ZNF385B: variants seen among roughly 807,000 people sequenced by gnomAD.
ZNF385B encodes the protein zinc finger protein 533.
ZNF385B carries 23 observed loss-of-function variants against 39.2 expected under a neutral mutation model. That is an observed-to-expected ratio of 0.59 (90% CI 0.42 to 0.83). ZNF385B has a LOEUF of 0.83. ZNF385B is among the 40% of genes least tolerant of loss of function. The pLI, the probability that ZNF385B is intolerant of heterozygous loss-of-function variation, is 0.00. For missense variants in ZNF385B, 552 were observed against 598.9 expected (o/e 0.92, Z 0.82); for synonymous variants, 205 against 222.6 (o/e 0.92, Z 0.70).
At chr2:179,458,032 T>C (rs2050892186) in intron 6 of ZNF385B, among the ~76,000 whole-genome samples, 1 of 152,196 alleles carries the variant, frequency 6.6e-6, no homozygotes, top group South Asian at 2.1e-4. Context: ...AATGCTTAGT[T>C]TTAGAAATAC....
At chr2:179,756,136 T>A (rs1293163210) in intron 3 of ZNF385B, among the ~76,000 whole-genome samples, 1 of 152,020 alleles carries the variant, frequency 6.6e-6, no homozygotes, top group African/African-American at 2.4e-5. Flanking sequence ...CCTTTCCATG[T>A]TTAGTGCTTC....
At position 179,518,980 on chromosome 2, in the gene ZNF385B, A is replaced by G. The variant is rs201544440; in HGVS notation, c.442-342T>C. Reference sequence around the variant, plus strand: ...TTAAGATCCAAAGGTCAAGGTTAAAATTAACTTTTATTTTTCTTGAGACAG... The same window carrying G: ...TTAAGATCCAAAGGTCAAGGTTAAAGTTAACTTTTATTTTTCTTGAGACAG... On this transcript the variant is annotated intron_variant, in intron 4 of 9. Coordinates refer to ENST00000410066, the MANE Select transcript of ZNF385B (RefSeq NM_152520.6). Among the ~76,000 whole-genome samples, 4 of 152,206 alleles carry G rather than the reference A, an allele frequency of 2.6e-5. No individual in the cohort carries two copies. In the East Asian group the frequency reaches 5.8e-4, roughly 22 times the overall value.
chr2:179,629,160 G>A (rs1241341933), intron 3 of ZNF385B, among the ~76,000 whole-genome samples: 2 of 152,104 alleles, frequency 1.3e-5, no homozygotes, highest in Non-Finnish European at 2.9e-5. Flanking sequence ...TTTTTAGGAG[G>A]AGACTGATTT....
At chr2:179,629,831 A>G (rs554573706) in intron 3 of ZNF385B, among the ~76,000 whole-genome samples, 2 of 152,320 alleles carry the variant, frequency 1.3e-5, no homozygotes, top group South Asian at 2.1e-4. Flanking sequence ...GCTTTTCCCA[A>G]GGTCTTAGCA....
At chr2:179,472,642 A>G (rs906647270) in intron 6 of ZNF385B, among the ~76,000 whole-genome samples, 6 of 152,226 alleles carry the variant, frequency 3.9e-5, no homozygotes, top group Non-Finnish European at 8.8e-5. Flanking sequence ...TTTACCAAGG[A>G]AAGTGTTTTG....
At chr2:179,823,995 C>T (rs1383270526) in intron 1 of ZNF385B, among the ~76,000 whole-genome samples, 2 of 152,026 alleles carry the variant, frequency 1.3e-5, no homozygotes, top group Admixed American at 6.6e-5. Context: ...TGGCTTGATC[C>T]AGCTGAACAG....
At chr2:179,500,205 C>T (rs2056629379) in intron 5 of ZNF385B, among the ~76,000 whole-genome samples, 1 of 151,966 alleles carries the variant, frequency 6.6e-6, no homozygotes, top group Non-Finnish European at 1.5e-5. Flanking sequence ...GTCCATACTA[C>T]CCAAAGCAAT....
At chr2:179,460,358 T>C (rs2051195313) in intron 6 of ZNF385B, among the ~76,000 whole-genome samples, 2 of 152,144 alleles carry the variant, frequency 1.3e-5, no homozygotes, top group African/African-American at 4.8e-5. Context: ...AGGAATTTAG[T>C]TTACAGTTTA....
At chr2:179,450,342 C>T (rs1389487868) in intron 6 of ZNF385B, among the ~76,000 whole-genome samples, 3 of 152,184 alleles carry the variant, frequency 2.0e-5, no homozygotes, top group Admixed American at 6.5e-5. Flanking sequence ...AAAATATTTG[C>T]AACCTACTCA....
At chr2:179,707,229 G>T (rs1447343325) in intron 3 of ZNF385B, among the ~76,000 whole-genome samples, 1 of 152,234 alleles carries the variant, frequency 6.6e-6, no homozygotes, top group South Asian at 2.1e-4. Context: ...TCAGGAAGAA[G>T]GGAAGAGAGT....
chr2:179,796,534 G>C (rs1444224763), intron 1 of ZNF385B, among the ~76,000 whole-genome samples: 1 of 152,126 alleles, frequency 6.6e-6, no homozygotes, highest in Non-Finnish European at 1.5e-5. Flanking sequence ...AGAAAAATGT[G>C]AAAACTAAAA....
intron 4 of ZNF385B, among the ~76,000 whole-genome samples, chr2:179,539,927 A>C (rs1474292052): frequency 3.3e-5 from 5 of 152,052 alleles, no homozygotes; most frequent in African/African-American, 1.2e-4. Flanking sequence ...TTTTTGTTTT[A>C]TTTAATTTGC....
At chr2:179,609,367 C>T (rs149142607) in intron 3 of ZNF385B, among the ~76,000 whole-genome samples, 24 of 152,280 alleles carry the variant, frequency 1.6e-4, no homozygotes, top group East Asian at 5.8e-4. Context: ...TAATGTCCTC[C>T]AGCTCCATCC....
intron 1 of ZNF385B, among the ~76,000 whole-genome samples, chr2:179,822,574 T>G (rs909986984): frequency 2.0e-5 from 3 of 152,188 alleles, no homozygotes; most frequent in Admixed American, 6.6e-5. Context: ...ACATTTGCAC[T>G]GTGAATGTCA....
chr2:179,852,544 T>C (rs940385705), intron 1 of ZNF385B, among the ~76,000 whole-genome samples: 7 of 152,148 alleles, frequency 4.6e-5, no homozygotes, highest in Non-Finnish European at 7.4e-5. Context: ...TGAGCTCACA[T>C]AGATACTGCG....
At chr2:179,580,387 C>G (rs1266351231) in intron 3 of ZNF385B, among the ~76,000 whole-genome samples, 1 of 152,060 alleles carries the variant, frequency 6.6e-6, no homozygotes, top group African/African-American at 2.4e-5. Flanking sequence ...AGGGAAAATA[C>G]TAGAAAAAAC....
intron 3 of ZNF385B, among the ~76,000 whole-genome samples, chr2:179,665,490 A>G (rs1274473304): frequency 6.6e-6 from 1 of 152,204 alleles, no homozygotes; most frequent in Non-Finnish European, 1.5e-5. Context: ...GACAAAGGCA[A>G]TAATTTATAC....
chr2:179,743,256 T>G (rs1025269826), intron 3 of ZNF385B, among the ~76,000 whole-genome samples: 1 of 151,998 alleles, frequency 6.6e-6, no homozygotes, highest in Non-Finnish European at 1.5e-5. Flanking sequence ...AGTCAAAATC[T>G]AAAACTGAGT....
intron 3 of ZNF385B, among the ~76,000 whole-genome samples, chr2:179,685,707 T>C (rs1017044655): frequency 2.0e-5 from 3 of 146,740 alleles, no homozygotes; most frequent in Non-Finnish European, 4.5e-5. Flanking sequence ...AAAAAAAAAA[T>C]AAAAAAAGTC....
Sources: allele counts gnomAD v4.1 joint callset (sites outside exome capture counted in the v4.1 genomes callset), GRCh38; gene constraint gnomAD v4.1.1; transcripts MANE v1.5; gene names NCBI Gene and HGNC (gene_info 2026-07-23, HGNC 2026-07-21).